The following PPARGC1A variants were observed in gnomAD, a reference collection of about 807,000 sequenced individuals.
The protein encoded by PPARGC1A is peroxisome proliferator-activated receptor gamma coactivator 1-alpha.
Under a neutral mutation model 88.7 loss-of-function variants are expected in PPARGC1A, and 25 were observed. The ratio of observed to expected loss-of-function variants is 0.28; its 90% CI spans 0.21 to 0.39. The LOEUF (loss-of-function observed/expected upper bound fraction) is 0.39. PPARGC1A is among the 10% of genes least tolerant of loss of function. The pLI, the probability that PPARGC1A is intolerant of heterozygous loss-of-function variation, is 1.00. For missense variants in PPARGC1A, 880 were observed against 968.7 expected, an observed-to-expected ratio of 0.91 and a Z score of 1.22; for synonymous variants, 363 against 355.6, an observed-to-expected ratio of 1.02 and a Z score of -0.24.
chr4:24,208,308 G>A, the PPARGC1A span, among the ~76,000 whole-genome samples: 4 of 151,888 alleles, frequency 2.6e-5, no homozygotes, highest in East Asian at 1.9e-4. Flanking sequence ...GAAGGGAGAA[G>A]GATGGAAGGA....
rs190235546 is a variant in PPARGC1A at position 23,885,169 on chromosome 4, C to T, written c.55-238G>A. On this transcript the variant is annotated intron_variant, in intron 1 of 12. Transcript: ENST00000264867. ...GCTACCTCCAAACACATGGTAAATA[C>T]CAAGCTCCACGAAGCTTTCTCTGAT... 6.6e-5 allele frequency among the ~76,000 whole-genome samples: 10 copies of T among 152,278 alleles called. No individual in the cohort carries two copies. The East Asian group carries it at 1.9e-3, about 29-fold the overall frequency.
chr4:24,085,661 T>C, the PPARGC1A span, among the ~76,000 whole-genome samples: 1 of 152,214 alleles, frequency 6.6e-6, no homozygotes, highest in African/African-American at 2.4e-5. Context: ...GCTCTATCTG[T>C]TCTGAGTACA....
chr4:24,222,188 T>C, the PPARGC1A span, among the ~76,000 whole-genome samples: 1 of 152,236 alleles, frequency 6.6e-6, no homozygotes, highest in Admixed American at 6.5e-5. Context: ...CCTCCCATCC[T>C]AGAGGCAGAG....
chr4:24,067,940 T>A, the PPARGC1A span, among the ~76,000 whole-genome samples: 2 of 152,154 alleles, frequency 1.3e-5, no homozygotes, highest in Non-Finnish European at 1.5e-5. Context: ...GGTGACTCAT[T>A]CCCCCAGAGG....
At chr4:24,361,481 C>G in the PPARGC1A span, among the ~76,000 whole-genome samples, 3 of 152,200 alleles carry the variant, frequency 2.0e-5, no homozygotes, top group Admixed American at 6.5e-5. Context: ...TTCACTCTCT[C>G]TATCCTTCTG....
chr4:23,825,064 A>T (rs1431972900), intron 5 of PPARGC1A: 1 of 154,620 alleles, frequency 6.5e-6, no homozygotes, highest in Admixed American at 6.4e-5. Flanking sequence ...CAGATCCCCA[A>T]ATCTGATAGA....
intron 2 of PPARGC1A, among the ~76,000 whole-genome samples, chr4:23,837,422 G>T (rs1726220390): frequency 6.7e-6 from 1 of 149,332 alleles, no homozygotes; most frequent in African/African-American, 2.5e-5. Context: ...AAAGGCCTGA[G>T]AATTCTTCAA....
At chr4:24,359,269 C>A in the PPARGC1A span, among the ~76,000 whole-genome samples, 1 of 152,172 alleles carries the variant, frequency 6.6e-6, no homozygotes, top group Admixed American at 6.5e-5. Context: ...CCTCCAAACA[C>A]TAGAGCATCC....
chr4:24,257,450 G>A, the PPARGC1A span, among the ~76,000 whole-genome samples: 2 of 152,178 alleles, frequency 1.3e-5, no homozygotes, highest in African/African-American at 4.8e-5. Context: ...CCAATCTATG[G>A]TAGCACAAAC....
At chr4:24,380,936 TAGA>T in the PPARGC1A span, among the ~76,000 whole-genome samples, 2,543 of 146,230 alleles carry the variant, frequency 0.017, 78 homozygotes, top group East Asian at 0.15. Context: ...AAGTGAAGGG[TAGA>T]AGAAGAGATT....
the PPARGC1A span, among the ~76,000 whole-genome samples, chr4:23,922,000 T>C: frequency 1.3e-5 from 2 of 152,194 alleles, no homozygotes; most frequent in African/African-American, 2.4e-5. Flanking sequence ...AAACATTTAC[T>C]GAATATGCAC....
At chr4:24,453,456 C>T in the PPARGC1A span, among the ~76,000 whole-genome samples, 7 of 152,154 alleles carry the variant, frequency 4.6e-5, no homozygotes, top group East Asian at 1.9e-4. Context: ...AGATGCAGGT[C>T]GACTTGAGTT....
At chr4:23,870,403 TA>T (rs1279998407) in intron 2 of PPARGC1A, among the ~76,000 whole-genome samples, 4 of 152,200 alleles carry the variant, frequency 2.6e-5, no homozygotes, top group Non-Finnish European at 4.4e-5. Flanking sequence ...TCCCTCAAAC[TA>T]AAAGGCCCCA....
At chr4:24,199,824 A>G in the PPARGC1A span, among the ~76,000 whole-genome samples, 1 of 152,190 alleles carries the variant, frequency 6.6e-6, no homozygotes, top group African/African-American at 2.4e-5. Flanking sequence ...AGTAAAGTTG[A>G]AAATATAATT....
the PPARGC1A span, among the ~76,000 whole-genome samples, chr4:24,099,865 C>T: frequency 3.3e-5 from 5 of 150,538 alleles, no homozygotes; most frequent in African/African-American, 7.3e-5. Context: ...GCTAAGGCTG[C>T]GTTACTCAAA....
At chr4:24,001,715 T>C in the PPARGC1A span, among the ~76,000 whole-genome samples, 2 of 152,112 alleles carry the variant, frequency 1.3e-5, no homozygotes, top group Admixed American at 6.5e-5. Flanking sequence ...TCACTGGTAA[T>C]TACGGTAATC....
the PPARGC1A span, among the ~76,000 whole-genome samples, chr4:24,078,449 T>C: frequency 6.6e-6 from 1 of 152,136 alleles, no homozygotes; most frequent in Non-Finnish European, 1.5e-5. Context: ...ATTTTCCTTA[T>C]TCCATATTAA....
the PPARGC1A span, among the ~76,000 whole-genome samples, chr4:24,262,302 T>G: frequency 5.9e-5 from 9 of 152,178 alleles, no homozygotes; most frequent in Non-Finnish European, 1.3e-4. Flanking sequence ...CTGTGCTCAT[T>G]CTGGAGGTTC....
chr4:24,253,737 A>AG, the PPARGC1A span, among the ~76,000 whole-genome samples: 1 of 149,348 alleles, frequency 6.7e-6, no homozygotes, highest in Non-Finnish European at 1.5e-5. Flanking sequence ...TCACTTGCCT[A>AG]GTGCCAGCCC....
Sources: allele counts gnomAD v4.1 joint callset (sites outside exome capture counted in the v4.1 genomes callset), GRCh38; gene constraint gnomAD v4.1.1; transcripts MANE v1.5; gene names NCBI Gene and HGNC (gene_info 2026-07-23, HGNC 2026-07-21).